CPED1: variants seen among roughly 807,000 people sequenced by gnomAD.
CPED1 encodes cadherin like and PC-esterase domain containing 1.
A neutral mutation model predicts 128.2 loss-of-function variants in CPED1; 114 were observed. The observed-to-expected ratio is 0.89, with a 90% confidence interval of 0.76 to 1.04. CPED1 has a LOEUF of 1.04. Ranked by LOEUF, CPED1 falls within the 50% of genes least tolerant of loss-of-function variation. The probability of loss-of-function intolerance (pLI) is 0.00; values close to 1 mark genes in which losing one functional copy is unlikely to be tolerated. For missense variants in CPED1, 1,211 were observed against 1,207.1 expected (o/e 1.00, Z -0.05); for synonymous variants, 462 against 426.7 (o/e 1.08, Z -1.02).
intron 16 of CPED1, among the ~76,000 whole-genome samples, chr7:121,172,538 G>A (rs959903596): frequency 5.3e-5 from 8 of 151,936 alleles, no homozygotes; most frequent in African/African-American, 1.9e-4. Context: ...AACTTTATAT[G>A]TTTTCATTCA....
intron 16 of CPED1, among the ~76,000 whole-genome samples, chr7:121,207,901 C>A (rs1033317785): frequency 6.6e-6 from 1 of 151,796 alleles, no homozygotes; most frequent in Admixed American, 6.6e-5. Context: ...TAGATTATTC[C>A]CCCTCTACTT....
intron 16 of CPED1, among the ~76,000 whole-genome samples, chr7:121,182,497 C>A (rs1796921432): frequency 6.6e-6 from 1 of 151,104 alleles, no homozygotes; most frequent in South Asian, 2.1e-4. Context: ...TTCTTTCCTC[C>A]TTCTTTGCCT....
At chr7:121,183,281 A>G (rs1002980675) in intron 16 of CPED1, among the ~76,000 whole-genome samples, 1 of 152,196 alleles carries the variant, frequency 6.6e-6, no homozygotes, top group Admixed American at 6.6e-5. Context: ...TGGCAATAAA[A>G]ATTCAAATTT....
At chr7:121,094,990 T>G (rs1304998516) in intron 5 of CPED1, among the ~76,000 whole-genome samples, 2 of 152,132 alleles carry the variant, frequency 1.3e-5, no homozygotes, top group Non-Finnish European at 2.9e-5. Flanking sequence ...TATTTTCCAT[T>G]CAGTTTGCAT....
At chr7:121,283,066 C>G (rs1471414150) in intron 22 of CPED1, among the ~76,000 whole-genome samples, 1 of 152,080 alleles carries the variant, frequency 6.6e-6, no homozygotes, top group Non-Finnish European at 1.5e-5. Context: ...TAAGTATATA[C>G]AATAAAAACA....
chr7:121,137,361 G>T (rs1391131635), intron 14 of CPED1, among the ~76,000 whole-genome samples: 1 of 152,032 alleles, frequency 6.6e-6, no homozygotes, highest in Admixed American at 6.6e-5. Context: ...TGTATAGAAA[G>T]GAGGTCTTGC....
chr7:121,119,197 T>A (rs1795322990), intron 7 of CPED1, among the ~76,000 whole-genome samples: 1 of 150,914 alleles, frequency 6.6e-6, no homozygotes, highest in Non-Finnish European at 1.5e-5. Flanking sequence ...ATTTGCAAAC[T>A]TTTTTTCTAT....
At chr7:121,001,113 T>C (rs1049261540) in intron 2 of CPED1, among the ~76,000 whole-genome samples, 4 of 152,162 alleles carry the variant, frequency 2.6e-5, no homozygotes, top group Non-Finnish European at 5.9e-5. Context: ...CCCTGTGTTT[T>C]CTTCGGTACA....
intron 16 of CPED1, among the ~76,000 whole-genome samples, chr7:121,144,151 TACA>T (rs774277230): frequency 3.4e-4 from 51 of 152,010 alleles, no homozygotes; most frequent in Non-Finnish European, 6.0e-4. Context: ...AAACTAAAAA[TACA>T]ACTACTGTGT....
chr7:121,137,849 C>T (rs1372738958), intron 14 of CPED1, among the ~76,000 whole-genome samples: 4 of 152,010 alleles, frequency 2.6e-5, no homozygotes, highest in African/African-American at 7.2e-5. Context: ...TGTTGAGGGT[C>T]CACTCTGTGC....
At chr7:121,015,890 T>A in intron 3 of CPED1, 42 bp downstream of exon 3, 2 of 1,327,248 alleles carry the variant, frequency 1.5e-6, no homozygotes, top group South Asian at 4.9e-5. Context: ...ACTTGACATA[T>A]AATGTTGAAC....
At chr7:121,134,729 C>G (rs955865919) in intron 13 of CPED1, among the ~76,000 whole-genome samples, 1 of 151,846 alleles carries the variant, frequency 6.6e-6, no homozygotes, top group Non-Finnish European at 1.5e-5. Flanking sequence ...TAAAATAAAA[C>G]TTTAAAAAAG....
chr7:121,263,369 A>T (rs1792057661), intron 18 of CPED1, among the ~76,000 whole-genome samples: 4 of 152,082 alleles, frequency 2.6e-5, no homozygotes, highest in Admixed American at 2.6e-4. Flanking sequence ...GAGCTAACAA[A>T]TTTTAAGTGC....
chr7:121,215,492 T>C (rs1221147741), intron 16 of CPED1, among the ~76,000 whole-genome samples: 1 of 152,082 alleles, frequency 6.6e-6, no homozygotes, highest in Non-Finnish European at 1.5e-5. Context: ...ATACTTTATC[T>C]TGGAATATCA....
At chr7:121,064,526 T>G (rs1733136749) in intron 5 of CPED1, among the ~76,000 whole-genome samples, 1 of 152,194 alleles carries the variant, frequency 6.6e-6, no homozygotes, top group Non-Finnish European at 1.5e-5. Context: ...TCTTTTAGTT[T>G]TGCCTTCTGA....
At chr7:120,997,915 T>A (rs1796434272) in intron 2 of CPED1, among the ~76,000 whole-genome samples, 1 of 131,894 alleles carries the variant, frequency 7.6e-6, no homozygotes, top group African/African-American at 3.0e-5. Context: ...AGAGCAAAAC[T>A]CGGTCTCGAA....
intron 18 of CPED1, among the ~76,000 whole-genome samples, chr7:121,251,009 C>CA (rs1159288342): frequency 2.0e-5 from 3 of 151,922 alleles, no homozygotes; most frequent in African/African-American, 7.3e-5. Flanking sequence ...AGAGACACAA[C>CA]AAAAAAAGAG....
intron 22 of CPED1, among the ~76,000 whole-genome samples, chr7:121,294,935 C>T (rs1792792315): frequency 6.6e-6 from 1 of 152,072 alleles, no homozygotes; most frequent in African/African-American, 2.4e-5. Flanking sequence ...GCAACAAAAC[C>T]ACTAAAAGTA....
intron 2 of CPED1, among the ~76,000 whole-genome samples, chr7:121,004,503 G>A (rs41704): frequency 0.25 from 38,124 of 151,958 alleles, 5,317 homozygotes; most frequent in African/African-American, 0.35. Context: ...CCACAAGTTC[G>A]TTCATGATGA....
Sources: allele counts gnomAD v4.1 joint callset (sites outside exome capture counted in the v4.1 genomes callset), GRCh38; gene constraint gnomAD v4.1.1; transcripts MANE v1.5; gene names NCBI Gene and HGNC (gene_info 2026-07-23, HGNC 2026-07-21).